DNMBP: variants seen among roughly 807,000 people sequenced by gnomAD.
DNMBP encodes dynamin binding protein.
DNMBP carries 87 observed loss-of-function variants against 150.0 expected under a neutral mutation model. The observed-to-expected ratio is 0.58, with a 90% confidence interval of 0.49 to 0.69. DNMBP has a LOEUF of 0.69. DNMBP is among the 30% of genes least tolerant of loss of function. DNMBP has a pLI of 0.00. For synonymous variants in DNMBP, 711 were observed against 750.4 expected, an observed-to-expected ratio of 0.95 and a Z score of 0.86; for missense variants, 1,774 against 1,949.0, an observed-to-expected ratio of 0.91 and a Z score of 1.69.
intron 4 of DNMBP, among the ~76,000 whole-genome samples, chr10:99,942,840 T>C (rs1278892138): frequency 6.6e-6 from 1 of 152,234 alleles, no homozygotes; most frequent in Non-Finnish European, 1.5e-5. Context: ...GATAAAATCC[T>C]TTAGAAGTAA....
At chr10:99,923,392 A>AAAT (rs35248925) in intron 4 of DNMBP, among the ~76,000 whole-genome samples, 78,880 of 151,290 alleles carry the variant, frequency 0.52, 21,124 homozygotes, top group Middle Eastern at 0.64. Context: ...TCTCCAAAAA[A>AAAT]AATAATAATA....
At chr10:99,970,159 C>A (rs2040659950) in intron 2 of DNMBP, among the ~76,000 whole-genome samples, 1 of 152,166 alleles carries the variant, frequency 6.6e-6, no homozygotes, top group African/African-American at 2.4e-5. Context: ...TCTTTCCTTG[C>A]TAACTCCTTC....
At chr10:99,944,784 C>T (rs2040339301) in intron 4 of DNMBP, among the ~76,000 whole-genome samples, 1 of 151,972 alleles carries the variant, frequency 6.6e-6, no homozygotes, top group East Asian at 1.9e-4. Context: ...ATGATAATTC[C>T]AAATTTAAAA....
chr10:99,988,506 A>G (rs2040851918), intron 1 of DNMBP, among the ~76,000 whole-genome samples: 1 of 152,182 alleles, frequency 6.6e-6, no homozygotes, highest in Non-Finnish European at 1.5e-5. Context: ...TAAATATCTA[A>G]TGTCTTTACA....
chr10:99,995,267 G>C (rs2040939156), intron 1 of DNMBP, among the ~76,000 whole-genome samples: 1 of 151,992 alleles, frequency 6.6e-6, no homozygotes, highest in African/African-American at 2.4e-5. Context: ...GCCCAGGTTG[G>C]TCTCTTCCTG....
chr10:99,894,034 G>A (rs922411882), intron 11 of DNMBP, among the ~76,000 whole-genome samples: 8 of 152,094 alleles, frequency 5.3e-5, no homozygotes, highest in African/African-American at 1.9e-4. Context: ...ATTCAGGCTG[G>A]ACATGGTGGC....
intron 1 of DNMBP, among the ~76,000 whole-genome samples, chr10:100,002,610 G>A (rs1046344348): frequency 8.5e-5 from 13 of 152,200 alleles, no homozygotes; most frequent in East Asian, 3.9e-4. Flanking sequence ...ATTCTGACTC[G>A]TAATGCCAGG....
chr10:99,891,151 T>C (rs1396693487), intron 11 of DNMBP, among the ~76,000 whole-genome samples: 1 of 150,680 alleles, frequency 6.6e-6, no homozygotes, highest in Non-Finnish European at 1.5e-5. Context: ...GTACTAGAAC[T>C]CCCTCTCCCT....
At chr10:99,891,518 C>G (rs1178281434) in intron 11 of DNMBP, among the ~76,000 whole-genome samples, 2 of 152,006 alleles carry the variant, frequency 1.3e-5, no homozygotes, top group Non-Finnish European at 2.9e-5. Flanking sequence ...GATCTCGGCT[C>G]GCTACAACCT....
chr10:100,004,189 G>A (rs777163771), intron 1 of DNMBP, among the ~76,000 whole-genome samples: 7 of 151,710 alleles, frequency 4.6e-5, no homozygotes, highest in African/African-American at 1.4e-4. Context: ...AGGCTGCAGT[G>A]AGCCGTGATG....
At chr10:99,922,664 C>T (rs1020292383) in intron 4 of DNMBP, among the ~76,000 whole-genome samples, 1 of 151,924 alleles carries the variant, frequency 6.6e-6, no homozygotes, top group African/African-American at 2.4e-5. Flanking sequence ...ACCACAGGCA[C>T]GCACCACCAT....
intron 4 of DNMBP, among the ~76,000 whole-genome samples, chr10:99,937,413 T>TA (rs936392113): frequency 5.9e-5 from 9 of 152,284 alleles, no homozygotes; most frequent in African/African-American, 2.2e-4. Context: ...ATACTTGTTT[T>TA]ACCACAGATA....
At position 99,981,127 on chromosome 10, in the gene DNMBP, A is replaced by T. The variant is rs533727659; in HGVS notation, c.-10-8993T>A. On this transcript the variant is annotated intron_variant, in intron 1 of 16. Coordinates refer to ENST00000324109, the MANE Select transcript of DNMBP (RefSeq NM_015221.4). Reference sequence around the variant, plus strand: ...TGTACACTTACCACAATAAAAAAAAATTTTAAGGTATGTCATAAAACGTGA... The same window carrying T: ...TGTACACTTACCACAATAAAAAAAATTTTTAAGGTATGTCATAAAACGTGA... Among the ~76,000 whole-genome samples the T allele has an allele frequency of 2.0e-5, 3 of 152,336 alleles. No homozygotes were observed. In the South Asian group the frequency reaches 6.2e-4, roughly 32 times the overall value.
chr10:99,954,744 CAAA>C (rs751589220), intron 4 of DNMBP, among the ~76,000 whole-genome samples: 4 of 48,812 alleles, frequency 8.2e-5, no homozygotes, highest in Non-Finnish European at 1.2e-4. Context: ...AACTCTGTCT[CAAA>C]AAAAAAAAAA....
chr10:99,877,874 C>T (rs2039301209), intron 16 of DNMBP, among the ~76,000 whole-genome samples: 3 of 152,064 alleles, frequency 2.0e-5, no homozygotes. Context: ...TTGGAACAAA[C>T]ACCAATTTGG....
intron 1 of DNMBP, among the ~76,000 whole-genome samples, chr10:99,998,264 T>A (rs1435809915): frequency 2.1e-5 from 3 of 143,192 alleles, no homozygotes; most frequent in African/African-American, 5.2e-5. Context: ...CATAAATTCA[T>A]AAATTAAAAG....
chr10:99,917,985 A>G (rs111593775), intron 4 of DNMBP, among the ~76,000 whole-genome samples: 5,084 of 145,712 alleles, frequency 0.035, 103 homozygotes, highest in South Asian at 0.08. Context: ...AAAAAAAAAA[A>G]AAAAAGAAAA....
At chr10:99,988,462 G>C (rs1358544934) in intron 1 of DNMBP, among the ~76,000 whole-genome samples, 2 of 152,050 alleles carry the variant, frequency 1.3e-5, no homozygotes, top group African/African-American at 2.4e-5. Flanking sequence ...CAGGTAGAGG[G>C]GAGCTTAGAA....
chr10:100,000,231 GAACC>G (rs2040994377), intron 1 of DNMBP, among the ~76,000 whole-genome samples: 1 of 152,172 alleles, frequency 6.6e-6, no homozygotes, highest in Admixed American at 6.6e-5. Context: ...GGGGAGGAAA[GAACC>G]AACTAGAAAG....
Sources: gnomAD v4.1 joint callset for allele counts (sites outside exome capture counted in the v4.1 genomes callset) on GRCh38, gnomAD v4.1.1 for gene constraint, MANE v1.5 for transcripts, NCBI Gene and HGNC (gene_info 2026-07-23, HGNC 2026-07-21) for gene names.